Variants in CELSR1 observed in about 807,000 individuals in gnomAD.
CELSR1 encodes cadherin EGF LAG seven-pass G-type receptor 1, also known as adhesion G protein-coupled receptor C1.
Under a neutral mutation model 249.1 loss-of-function variants are expected in CELSR1, and 110 were observed. The ratio of observed to expected loss-of-function variants is 0.44; its 90% confidence interval spans 0.38 to 0.52. The LOEUF (loss-of-function observed/expected upper bound fraction) is 0.52, where lower values mean the gene tolerates loss of function less well. CELSR1 is among the 20% of genes least tolerant of loss of function. The probability of loss-of-function intolerance (pLI) is 0.00; values close to 1 mark genes in which losing one functional copy is unlikely to be tolerated. For missense variants in CELSR1, 4,109 were observed against 4,296.4 expected, an observed-to-expected ratio of 0.96 and a Z score of 1.22; for synonymous variants, 2,113 against 1,900.0, an observed-to-expected ratio of 1.11 and a Z score of -2.92.
intron 1 of CELSR1, among the ~76,000 whole-genome samples, chr22:46,501,975 G>C (rs919463285): frequency 6.6e-6 from 1 of 152,036 alleles, no homozygotes; most frequent in Non-Finnish European, 1.5e-5. Flanking sequence ...CTGCCCTGTA[G>C]AAAACAGGGC....
chr22:46,414,304 A>G (rs1461790375), intron 5 of CELSR1, among the ~76,000 whole-genome samples: 3 of 152,198 alleles, frequency 2.0e-5, no homozygotes, highest in African/African-American at 7.2e-5. Flanking sequence ...AAGTAACAGC[A>G]CTTTTGGCGA....
intron 2 of CELSR1, among the ~76,000 whole-genome samples, chr22:46,458,483 AG>A (rs2079982509): frequency 6.6e-6 from 1 of 152,200 alleles, no homozygotes; most frequent in Non-Finnish European, 1.5e-5. Flanking sequence ...TGGGCTGGGG[AG>A]GCAGCGTCAT....
At position 46,365,392 on chromosome 22, in the gene CELSR1, C is replaced by CG. The variant is rs771960047; in HGVS notation, c.8405-13dup. On this transcript the variant is annotated splice_polypyrimidine_tract_variant and intron_variant, in intron 31 of 34. Transcript: ENST00000674500. ...GTCGGAATCGTGGCCTGTGGATGCGCGGGGGACAGGGAGGCTCAGGCCCTG... is the reference window on the plus strand; with the variant it reads ...GTCGGAATCGTGGCCTGTGGATGCGCGGGGGGACAGGGAGGCTCAGGCCCTG... 7.9e-5 allele frequency: 127 copies of CG among 1,611,930 alleles called. No homozygotes were observed. Among genetic ancestry groups the CG allele is most frequent in the Non-Finnish European group, 6.3e-5 (74 of 1,179,800 alleles).
At position 46,437,159 on chromosome 22, in the gene CELSR1, A is replaced by G. The variant is rs989702187; in HGVS notation, c.4407-870T>C. Among the ~76,000 whole-genome samples, 1 of 152,142 alleles carries G rather than the reference A, an allele frequency of 6.6e-6. No individual in the cohort carries two copies. The highest frequency in any genetic ancestry group is 6.5e-5 in the Admixed American group (1 of 15,278). ...CAGAACTTAGAGCACGCTGAGCAAA[A>G]ACCACCTGCTCGGGCAGGAGATCAT... On this transcript the variant is annotated intron_variant, in intron 3 of 34. Coordinates refer to ENST00000674500, the MANE Select transcript of CELSR1 (RefSeq NM_001378328.1). This position sits in a 1 kb window ranked among gnomAD's most constrained non-coding sequence, Gnocchi z 4.9.
rs1470112247 is a variant in CELSR1, at chr22:46,437,076, T to C, written c.4407-787A>G. Among the ~76,000 whole-genome samples the C allele has an allele frequency of 6.6e-6, 1 of 152,194 alleles. No homozygotes were observed. The highest frequency in any genetic ancestry group is 1.5e-5 in the Non-Finnish European group (1 of 68,028). ...GTCCATATCAGTGCTTAATATGGGC[T>C]GTTTGAATAAATGAAAGGAAGAGGC... On this transcript the variant is annotated intron_variant, in intron 3 of 34. Coordinates refer to ENST00000674500, the MANE Select transcript of CELSR1 (RefSeq NM_001378328.1). This position sits in a 1 kb window ranked among gnomAD's most constrained non-coding sequence, Gnocchi z 4.9.
chr22:46,385,500 C>T (rs1372177434), intron 19 of CELSR1, among the ~76,000 whole-genome samples: 1 of 152,118 alleles, frequency 6.6e-6, no homozygotes, highest in African/African-American at 2.4e-5. Context: ...TCGACACCCA[C>T]CCTTCTAGAG....
rs1379172576 is a variant in CELSR1, at chr22:46,390,775, G to A, written c.6251-289C>T. On this transcript the variant is annotated intron_variant, in intron 16 of 34. Coordinates refer to ENST00000674500, the MANE Select transcript of CELSR1 (RefSeq NM_001378328.1). This position sits in a 1 kb window ranked among gnomAD's most constrained non-coding sequence, Gnocchi z 6.3. Reference sequence around the variant, plus strand: ...AGCAACACCATCTGCCGGCAGCCACGATCCCATGCACCAGGAATCCATTTC... The same window carrying A: ...AGCAACACCATCTGCCGGCAGCCACAATCCCATGCACCAGGAATCCATTTC... 6.6e-6 allele frequency among the ~76,000 whole-genome samples: 1 copy of A among 152,158 alleles called. No individual in the cohort carries two copies. The highest frequency in any genetic ancestry group is 1.5e-5 in the Non-Finnish European group (1 of 68,026).
At chr22:46,375,640 T>C (rs2147200379) in intron 24 of CELSR1, among the ~76,000 whole-genome samples, 1 of 149,422 alleles carries the variant, frequency 6.7e-6, no homozygotes, top group African/African-American at 2.5e-5. Flanking sequence ...GCCTCCCGGG[T>C]TCAAGCGATT....
rs1202834901 is a variant in CELSR1 at position 46,429,229 on chromosome 22, A to G, written c.4611+4164T>C. On this transcript the variant is annotated intron_variant, in intron 5 of 34. Transcript: ENST00000674500. This position sits in a 1 kb window ranked among gnomAD's most constrained non-coding sequence, Gnocchi z 4.1. ...CGAGGGCGATGGAGGAGCAGCAAACACTTAAGCATAATGAGGGCAAAACCG... is the reference window on the plus strand; with the variant it reads ...CGAGGGCGATGGAGGAGCAGCAAACGCTTAAGCATAATGAGGGCAAAACCG... 2.6e-5 allele frequency among the ~76,000 whole-genome samples: 4 copies of G among 152,078 alleles called. No individual in the cohort carries two copies. Among genetic ancestry groups the G allele is most frequent in the African/African-American group, 9.7e-5 (4 of 41,400 alleles).
At chr22:46,522,533 T>C (rs1245190496) in intron 1 of CELSR1, among the ~76,000 whole-genome samples, 1 of 152,242 alleles carries the variant, frequency 6.6e-6, no homozygotes, top group Non-Finnish European at 1.5e-5. Flanking sequence ...ATTCCATTGT[T>C]TTCTTGTTGC....
chr22:46,396,776 C>A lies in CELSR1; in HGVS notation c.5702-30G>T. The A allele has an allele frequency of 6.2e-7, 1 of 1,605,686 alleles. No homozygotes were observed. The highest frequency in any genetic ancestry group is 8.5e-7 in the Non-Finnish European group (1 of 1,176,272). ...AAGGACAGAGCCAGCATTACCTCCA[C>A]CCACAATCCACGAGACCTTCCACGT... On this transcript the variant is annotated intron_variant, in intron 12 of 34. Transcript: ENST00000674500. This position sits in a 1 kb window ranked among gnomAD's most constrained non-coding sequence, Gnocchi z 6.4.
At position 46,363,096 on chromosome 22, in the gene CELSR1, C is replaced by A; in HGVS notation, c.*127G>T. Reference sequence around the variant, plus strand: ...CATGGGGACCGCCACACTCTGGGCCCACTCCACTTCAAGGGCAGTGGCCCC... The same window carrying A: ...CATGGGGACCGCCACACTCTGGGCCAACTCCACTTCAAGGGCAGTGGCCCC... On this transcript the variant is annotated 3_prime_UTR_variant, in exon 35 of 35. Coordinates refer to ENST00000674500, the MANE Select transcript of CELSR1 (RefSeq NM_001378328.1). This position sits in a 1 kb window ranked among gnomAD's most constrained non-coding sequence, Gnocchi z 4.3. The A allele has an allele frequency of 6.3e-7, 1 of 1,598,996 alleles. No individual in the cohort carries two copies. Among genetic ancestry groups the A allele is most frequent in the African/African-American group, 1.3e-5 (1 of 74,682 alleles).
In CELSR1 at chr22:46,380,975, G is replaced by T; in HGVS notation, c.7089-20C>A. On this transcript the variant is annotated intron_variant, in intron 21 of 34. Coordinates refer to ENST00000674500, the MANE Select transcript of CELSR1 (RefSeq NM_001378328.1). This position sits in a 1 kb window ranked among gnomAD's most constrained non-coding sequence, Gnocchi z 5.1. ...GGCAACCTGAGGTCAAGAAGCCAGA[G>T]CATGGGGACAAACACGGTGAGGAAA... 1 of 1,608,066 alleles carries T rather than the reference G, an allele frequency of 6.2e-7. No homozygotes were observed. Among genetic ancestry groups the T allele is most frequent in the Non-Finnish European group, 8.5e-7 (1 of 1,175,924 alleles).
In CELSR1 at chr22:46,490,972, G is replaced by A. The variant is rs934884380; in HGVS notation, c.3545-26627C>T. On this transcript the variant is annotated intron_variant, in intron 1 of 34. Transcript: ENST00000674500. This position sits in a 1 kb window ranked among gnomAD's most constrained non-coding sequence, Gnocchi z 5.2. ...GCTGCCTCTGCACCCACAGGCGGGG[G>A]ATTTTGTTCCCCTACAAGTTCAGGA... 6.6e-6 allele frequency among the ~76,000 whole-genome samples: 1 copy of A among 152,146 alleles called. No individual in the cohort carries two copies. Among genetic ancestry groups the A allele is most frequent in the Admixed American group, 6.5e-5 (1 of 15,270 alleles).
chr22:46,364,441 C>A, intron 33 of CELSR1, 71 bp downstream of exon 33: 2 of 1,538,272 alleles, frequency 1.3e-6, no homozygotes, highest in Non-Finnish European at 8.8e-7. Context: ...GCCCCACTCC[C>A]ACCTCCAGAC....
chr22:46,462,579 G>A (rs1314542416), intron 2 of CELSR1, among the ~76,000 whole-genome samples: 1 of 151,322 alleles, frequency 6.6e-6, no homozygotes, highest in African/African-American at 2.4e-5. Flanking sequence ...CGAGGACACA[G>A]TCGATGGAAG....
rs745317688 is a variant in CELSR1 at position 46,377,274 on chromosome 22, G to T, written c.7384-13C>A. The T allele has an allele frequency of 1.9e-6, 3 of 1,613,116 alleles. No homozygotes were observed. The Admixed American group carries it at 5.0e-5, about 27-fold the overall frequency. On this transcript the variant is annotated splice_polypyrimidine_tract_variant and intron_variant, in intron 23 of 34. Transcript: ENST00000674500. ...GGACCTCCCCGTTCTATGGGCAGGA[G>T]GGTTAAAGGCAGGAGAGAAGGTAAG...
At chr22:46,462,491 T>C (rs963300348) in intron 2 of CELSR1, among the ~76,000 whole-genome samples, 24 of 152,314 alleles carry the variant, frequency 1.6e-4, no homozygotes, top group Non-Finnish European at 3.1e-4. Context: ...ACCCTTGTTA[T>C]AAGCTCGATA....
chr22:46,456,788 C>T (rs951616361), intron 2 of CELSR1, among the ~76,000 whole-genome samples: 1 of 150,332 alleles, frequency 6.7e-6, no homozygotes, highest in Non-Finnish European at 1.5e-5. Context: ...CATGAGCACA[C>T]AGGTGATTAT....
Sources: gnomAD v4.1 joint callset for allele counts (sites outside exome capture counted in the v4.1 genomes callset) on GRCh38, gnomAD v4.1.1 for gene constraint, Gnocchi (gnomAD v3.1) non-coding constraint, MANE v1.5 for transcripts, NCBI Gene and HGNC (gene_info 2026-07-23, HGNC 2026-07-21) for gene names.